DLST: variants seen among roughly 807,000 people sequenced by gnomAD.
DLST encodes dihydrolipoyllysine-residue succinyltransferase component of 2-oxoglutarate dehydrogenase complex, mitochondrial.
Under a neutral mutation model 53.1 loss-of-function variants are expected in DLST, and 17 were observed. That is an observed-to-expected ratio of 0.32 (90% CI 0.22 to 0.48). DLST has a LOEUF of 0.48. Ranked by LOEUF, DLST falls within the 20% of genes least tolerant of loss-of-function variation. The probability of loss-of-function intolerance (pLI) is 0.99; values close to 1 mark genes in which losing one functional copy is unlikely to be tolerated. For missense variants in DLST, 512 were observed against 583.9 expected (o/e 0.88, Z 1.27); for synonymous variants, 206 against 204.8 (o/e 1.01, Z -0.05).
At chr14:74,889,978 G>A in intron 6 of DLST, 26 bp downstream of exon 6, 1 of 1,607,568 alleles carries the variant, frequency 6.2e-7, no homozygotes, top group Non-Finnish European at 8.5e-7. Context: ...ATTCGTACCA[G>A]CTTTTCATGG....
Position 74,898,398 on chromosome 14 carries a change from A to T in DLST, c.800A>T (p.Lys267Ile). Residue 267 changes from lysine to isoleucine, a missense_variant, in exon 11 of 15, where the codon AAA becomes ATA. This residue lies in a region of DLST where 186 missense variants were observed against 260.4 expected (regional missense o/e 0.71). Transcript: ENST00000334220. Reference sequence around the variant, plus strand: ...ATCCAGGAGATGAGGGCTCGGCACAAAGAGGCTTTTTTGAAGAAACATAAC... The same window carrying T: ...ATCCAGGAGATGAGGGCTCGGCACATAGAGGCTTTTTTGAAGAAACATAAC... ...SNIQEMRARH[K>I]EAFLKKHNLK... The T allele has an allele frequency of 6.2e-7, 1 of 1,612,940 alleles. No individual in the cohort carries two copies. The highest frequency in any genetic ancestry group is 8.5e-7 in the Non-Finnish European group (1 of 1,180,006).
At chr14:74,894,529 ATTGTTTTTTGT>A in intron 10 of DLST, 120 bp downstream of exon 10, 1 of 1,110,276 alleles carries the variant, frequency 9.0e-7, no homozygotes, top group Non-Finnish European at 1.3e-6. Context: ...GTATTTGTTT[ATTGTTTTTTGT>A]TTGTTTGTTT....
intron 2 of DLST, 85 bp from the exon 3 acceptor site, chr14:74,885,501 G>T: frequency 7.6e-7 from 1 of 1,320,750 alleles, no homozygotes; most frequent in South Asian, 1.2e-5. Flanking sequence ...TCTCAGGGTT[G>T]GGGGTGAGCA....
intron 7 of DLST, chr14:74,891,984 C>T: frequency 2.4e-6 from 1 of 410,002 alleles, no homozygotes; most frequent in Non-Finnish European, 3.3e-6. Flanking sequence ...AAAACAGAAA[C>T]AAACATTTCA....
rs141749468 is a variant in DLST, at chr14:74,898,649, A to G, written c.901+150A>G. ...ATCTTCCCCAGGGATTTCTTGGTTCACCTTCCTGAAGCAGCATCATGATTA... is the reference window on the plus strand; with the variant it reads ...ATCTTCCCCAGGGATTTCTTGGTTCGCCTTCCTGAAGCAGCATCATGATTA... On this transcript the variant is annotated intron_variant, in intron 11 of 14. Coordinates refer to ENST00000334220, the MANE Select transcript of DLST (RefSeq NM_001933.5). 4.3e-5 allele frequency: 44 copies of G among 1,023,550 alleles called. 1 individual carries two copies. In the African/African-American group the frequency reaches 5.8e-4, roughly 13 times the overall value. 63.4% of individuals were successfully genotyped at this position (1,023,550 alleles called of 1,614,324 possible).
intron 11 of DLST, among the ~76,000 whole-genome samples, chr14:74,898,855 G>A (rs902472153): frequency 2.0e-5 from 3 of 152,206 alleles, no homozygotes; most frequent in African/African-American, 7.2e-5. Context: ...CTTGGGGCCT[G>A]ACTTCCACAG....
At chr14:74,883,014 G>T (rs1253208230) in intron 2 of DLST, among the ~76,000 whole-genome samples, 1 of 152,246 alleles carries the variant, frequency 6.6e-6, no homozygotes, top group Non-Finnish European at 1.5e-5. Flanking sequence ...TATGGCCATG[G>T]CCGGGCGCGG....
At chr14:74,892,649 G>A (rs1385506166) in intron 7 of DLST, among the ~76,000 whole-genome samples, 185 bp from the exon 8 acceptor site, 1 of 151,996 alleles carries the variant, frequency 6.6e-6, no homozygotes, top group African/African-American at 2.4e-5. Flanking sequence ...GGACATTTAG[G>A]GACCCTGAGG....
chr14:74,900,175 A>G, intron 12 of DLST, 114 bp from the exon 13 acceptor site: 4 of 1,148,136 alleles, frequency 3.5e-6, no homozygotes, highest in Non-Finnish European at 5.3e-6. Context: ...TGTTAATCAC[A>G]CTGAGTAATG....
Position 74,891,059 on chromosome 14 carries a change from T to C in DLST, c.334T>C (p.Ser112Pro), listed in dbSNP as rs1883887635. ...VVCEIETDKT[S>P]VQVPSPANGV... is the part of the protein sequence containing the mutation. ...TCCATCTGTCTTCCTCTTCCAGACA[T>C]CTGTGCAGGTTCCATCACCAGCAAA... Residue 112 changes from serine (S) to proline (P), a missense_variant, in exon 7 of 15, where the codon TCT becomes CCT. Ser to Pro is a moderately conservative substitution (Grantham distance 74, BLOSUM62 -1). Around this residue, in one of 4 missense-constraint regions of DLST, gnomAD observed 35 missense variants for 70.5 expected, o/e 0.50. Transcript: ENST00000334220. 1.2e-6 allele frequency: 2 copies of C among 1,610,998 alleles called. No individual in the cohort carries two copies. Among genetic ancestry groups the C allele is most frequent in the Non-Finnish European group, 1.7e-6 (2 of 1,178,350 alleles).
At chr14:74,901,336 T>G in intron 14 of DLST, 103 bp downstream of exon 14, 4 of 1,169,880 alleles carry the variant, frequency 3.4e-6, no homozygotes, top group Non-Finnish European at 4.8e-6. Context: ...CAGGCCTAAG[T>G]TCCATTTCTT....
intron 10 of DLST, 60 bp downstream of exon 10, chr14:74,894,469 C>T (rs1884014193): frequency 2.6e-6 from 4 of 1,546,172 alleles, no homozygotes; most frequent in Middle Eastern, 1.7e-4. Flanking sequence ...CACGAACTTG[C>T]CCCACTCCTT....
At chr14:74,895,997 C>T (rs1456616324) in intron 10 of DLST, among the ~76,000 whole-genome samples, 2 of 152,202 alleles carry the variant, frequency 1.3e-5, no homozygotes, top group African/African-American at 4.8e-5. Flanking sequence ...GGGACCACTA[C>T]AGGCATGTGC....
intron 10 of DLST, among the ~76,000 whole-genome samples, chr14:74,894,807 A>G (rs1180233558): frequency 6.6e-6 from 1 of 151,338 alleles, no homozygotes; most frequent in Non-Finnish European, 1.5e-5. Context: ...TCGGCCTCCC[A>G]AAGTGCTGGG....
intron 7 of DLST, 118 bp downstream of exon 7, chr14:74,891,285 T>C: frequency 6.6e-7 from 1 of 1,518,934 alleles, no homozygotes; most frequent in Admixed American, 2.0e-5. Context: ...CTGCCCTTAG[T>C]TGAGGGAATA....
At chr14:74,888,356 A>G (rs1883780249) in intron 3 of DLST, among the ~76,000 whole-genome samples, 2 of 150,002 alleles carry the variant, frequency 1.3e-5, no homozygotes, top group Admixed American at 6.6e-5. Flanking sequence ...TCTGATCTAA[A>G]TCTGTTATCT....
intron 2 of DLST, among the ~76,000 whole-genome samples, chr14:74,884,289 A>C (rs989309423): frequency 6.6e-5 from 10 of 152,218 alleles, no homozygotes; most frequent in African/African-American, 2.4e-4. Context: ...GAGAACATAA[A>C]GCCCCTAGCA....
chr14:74,888,678 G>T (rs1407096640), intron 3 of DLST, among the ~76,000 whole-genome samples: 1 of 152,130 alleles, frequency 6.6e-6, no homozygotes, highest in Admixed American at 6.6e-5. Context: ...CTGCACTCTA[G>T]CCTGGGTGAC....
rs781227566 is a variant in DLST at position 74,889,392 on chromosome 14, CAG to C, written c.274+46_274+47del. ...ATTTTTTTTTTTTTTTTTTTTGAGA[CAG>C]AGTCTTGCTCTGTTCCCAGCCTGGA... On this transcript the variant is annotated intron_variant, in intron 5 of 14. Transcript: ENST00000334220. 14 of 1,402,118 alleles carry C rather than the reference CAG, an allele frequency of 1.0e-5. No homozygotes were observed. In the African/African-American group the frequency reaches 1.1e-4, roughly 11 times the overall value. 86.9% of individuals were successfully genotyped at this position (1,402,118 alleles called of 1,614,324 possible). A position where few individuals can be genotyped will look rare whatever the true frequency, so the allele number is the denominator to read the frequency against.
Sources: gnomAD v4.1 joint callset for allele counts (sites outside exome capture counted in the v4.1 genomes callset) on GRCh38, gnomAD v4.1.1 for gene constraint, gnomAD v4.1.1 regional missense constraint, MANE v1.5 for transcripts, NCBI Gene and HGNC (gene_info 2026-07-23, HGNC 2026-07-21) for gene names.